Variants in EDNRB observed in about 807,000 individuals in gnomAD.
EDNRB encodes Hirschsprung disease 2.
In EDNRB, 18 loss-of-function variants were observed where a neutral mutation model predicts 46.4. The observed-to-expected ratio is 0.39, with a 90% CI of 0.27 to 0.57. The LOEUF is 0.57. EDNRB is among the 20% of genes least tolerant of loss of function. The pLI, the probability that EDNRB is intolerant of heterozygous loss-of-function variation, is 0.61. For missense variants in EDNRB, 434 were observed against 537.5 expected (o/e 0.81, Z 1.90); for synonymous variants, 213 against 204.9 (o/e 1.04, Z -0.34).
intron 1 of EDNRB, among the ~76,000 whole-genome samples, chr13:77,915,916 G>T (rs1221762776): frequency 6.6e-6 from 1 of 152,212 alleles, no homozygotes; most frequent in Non-Finnish European, 1.5e-5. Context: ...AATCATATGG[G>T]AGTTTGAAAT....
intron 1 of EDNRB, among the ~76,000 whole-genome samples, chr13:77,954,831 G>A (rs1344165042): frequency 6.6e-6 from 1 of 151,986 alleles, no homozygotes; most frequent in African/African-American, 2.4e-5. Flanking sequence ...TTAAGGTTCT[G>A]TTTTAGGTAT....
chr13:77,898,221 A>G lies in EDNRB; in HGVS notation c.1308T>C (p.Ser436=). The G allele has an allele frequency of 1.2e-6, 2 of 1,611,932 alleles. No homozygotes were observed. Among genetic ancestry groups the G allele is most frequent in the Non-Finnish European group, 1.7e-6 (2 of 1,178,712 alleles). ...TCTTTCAAGATGAGCTGTATTTATT[A>G]CTGGAACGGAAGTTGTCATATCCGT... ...NDHGYDNFRS[S]NKYSSS Residue 436 remains serine (S), a synonymous_variant, in exon 7 of 7, where the codon AGT becomes AGC. Coordinates refer to ENST00000646607, the MANE Select transcript of EDNRB (RefSeq NM_001122659.3).
At chr13:77,968,302 C>T (rs1240281822) in intron 1 of EDNRB, among the ~76,000 whole-genome samples, 1 of 151,904 alleles carries the variant, frequency 6.6e-6, no homozygotes, top group East Asian at 1.9e-4. Flanking sequence ...AATTAGAATC[C>T]TTTTATATTA....
chr13:77,971,188 G>A (rs2137695764), intron 1 of EDNRB, among the ~76,000 whole-genome samples: 1 of 152,326 alleles, frequency 6.6e-6, no homozygotes, highest in East Asian at 1.9e-4. Flanking sequence ...GAAGCAAGGT[G>A]GCGGGGTTTA....
intron 1 of EDNRB, among the ~76,000 whole-genome samples, chr13:77,964,096 G>T (rs1056578530): frequency 5.9e-5 from 9 of 152,180 alleles, no homozygotes; most frequent in Admixed American, 1.3e-4. Flanking sequence ...AGTTACAATG[G>T]CAATCATTAA....
In EDNRB at chr13:77,896,425, T is replaced by A. The variant is rs758238086; in HGVS notation, c.*1775A>T. 26 of 1,547,656 alleles carry A rather than the reference T, an allele frequency of 1.7e-5. No homozygotes were observed. The highest frequency in any genetic ancestry group is 1.7e-5 in the Non-Finnish European group (19 of 1,145,766). On this transcript the variant is annotated 3_prime_UTR_variant, in exon 7 of 7. Transcript: ENST00000646607. Reference sequence around the variant, plus strand: ...GTTTGTGGGTGATTTATAAATAGAATCCATATGGTGTGTGAATTAATTATT... The same window carrying A: ...GTTTGTGGGTGATTTATAAATAGAAACCATATGGTGTGTGAATTAATTATT...
intron 1 of EDNRB, among the ~76,000 whole-genome samples, chr13:77,951,478 T>A (rs1881087437): frequency 6.6e-6 from 1 of 152,136 alleles, no homozygotes; most frequent in Non-Finnish European, 1.5e-5. Flanking sequence ...TTGTTCCCAA[T>A]GTTTCACAAA....
intron 1 of EDNRB, chr13:77,940,013 A>AATAAATAT (rs1880696447): frequency 6.6e-6 from 1 of 151,340 alleles, no homozygotes; most frequent in South Asian, 2.1e-4. Flanking sequence ...TAAATAAATA[A>AATAAATAT]ATAAATAAAT....
At chr13:77,958,620 T>C (rs367914398) in intron 1 of EDNRB, among the ~76,000 whole-genome samples, 2,234 of 152,228 alleles carry the variant, frequency 0.015, 45 homozygotes, top group East Asian at 0.024. Context: ...GGAACCCGCC[T>C]GCCTCAGCCT....
chr13:77,962,026 C>A (rs1350918527), intron 1 of EDNRB, among the ~76,000 whole-genome samples: 1 of 152,174 alleles, frequency 6.6e-6, no homozygotes, highest in African/African-American at 2.4e-5. Flanking sequence ...ACTAGAAAAT[C>A]TAGAAGAAAT....
At chr13:77,970,439 C>A (rs985532191) in intron 1 of EDNRB, among the ~76,000 whole-genome samples, 1 of 152,152 alleles carries the variant, frequency 6.6e-6, no homozygotes, top group African/African-American at 2.4e-5. Context: ...TCTGAGTGAG[C>A]AATTCCTGTC....
chr13:77,929,827 A>G (rs1450727956), intron 1 of EDNRB, among the ~76,000 whole-genome samples: 1 of 152,222 alleles, frequency 6.6e-6, no homozygotes, highest in South Asian at 2.1e-4. Flanking sequence ...TGGGTAAAAG[A>G]AAGAGTAAGA....
At chr13:77,929,099 C>CT (rs1257196690) in intron 1 of EDNRB, among the ~76,000 whole-genome samples, 1 of 152,178 alleles carries the variant, frequency 6.6e-6, no homozygotes, top group African/African-American at 2.4e-5. Context: ...ACTTGTCACT[C>CT]TGCTGCTTGT....
At position 77,896,525 on chromosome 13, in the gene EDNRB, A is replaced by G. The variant is rs1443096197; in HGVS notation, c.*1675T>C. On this transcript the variant is annotated 3_prime_UTR_variant, in exon 7 of 7. Coordinates refer to ENST00000646607, the MANE Select transcript of EDNRB (RefSeq NM_001122659.3). ...TCACATTCAATATTGACAGAAAACA[A>G]CATTACTAGCTTATTTCCAACATGT... The G allele has an allele frequency of 1.3e-6, 2 of 1,575,794 alleles. No homozygotes were observed. The highest frequency in any genetic ancestry group is 8.6e-7 in the Non-Finnish European group (1 of 1,158,504).
intron 1 of EDNRB, among the ~76,000 whole-genome samples, chr13:77,965,300 C>A (rs1281372145): frequency 6.6e-6 from 1 of 152,116 alleles, no homozygotes; most frequent in Non-Finnish European, 1.5e-5. Flanking sequence ...TTTGTGAGAG[C>A]TAAGTATTAG....
intron 1 of EDNRB, among the ~76,000 whole-genome samples, chr13:77,970,871 AGCC>A (rs893803583): frequency 2.6e-5 from 4 of 152,222 alleles, no homozygotes; most frequent in African/African-American, 7.2e-5. Flanking sequence ...CACTGGGAAC[AGCC>A]CTCAGTCTGA....
chr13:77,912,772 A>C (rs1312636226), intron 1 of EDNRB, among the ~76,000 whole-genome samples: 3 of 152,156 alleles, frequency 2.0e-5, no homozygotes, highest in Admixed American at 2.0e-4. Flanking sequence ...TTTGCTTTAC[A>C]TAAATCATAC....
intron 1 of EDNRB, among the ~76,000 whole-genome samples, chr13:77,905,284 C>A (rs1879218651): frequency 6.6e-6 from 1 of 151,842 alleles, no homozygotes; most frequent in Non-Finnish European, 1.5e-5. Context: ...ATACAAAAAT[C>A]TCTTGATTTT....
rs568547923 is a variant in EDNRB, at chr13:77,952,661, T to A, written c.-52+22686A>T. Among the ~76,000 whole-genome samples the A allele has an allele frequency of 4.6e-5, 7 of 152,206 alleles. No homozygotes were observed. In the South Asian group the frequency reaches 1.2e-3, roughly 27 times the overall value. ...AAAAATACTGTGGCTGAAGAAAAAATTTAATGGGAACAGAGACCCTCTATT... is the reference window on the plus strand; with the variant it reads ...AAAAATACTGTGGCTGAAGAAAAAAATTAATGGGAACAGAGACCCTCTATT... On this transcript the variant is annotated intron_variant, in intron 1 of 7. Transcript: ENST00000646948.
Sources: gnomAD v4.1 joint callset for allele counts (sites outside exome capture counted in the v4.1 genomes callset) on GRCh38, gnomAD v4.1.1 for gene constraint, MANE v1.5 for transcripts, NCBI Gene and HGNC (gene_info 2026-07-23, HGNC 2026-07-21) for gene names.